The following METTL15 variants were observed in gnomAD, a reference collection of about 807,000 sequenced individuals.
METTL15 encodes 12S rRNA N(4)-cytidine methyltransferase METTL15.
A neutral mutation model predicts 38.3 loss-of-function variants in METTL15; 34 were observed. That is an observed-to-expected ratio of 0.89 (90% confidence interval 0.68 to 1.18). The LOEUF is 1.18. Among genes scored for constraint, METTL15 ranks in the 50% most tolerant of loss-of-function variants. The probability of loss-of-function intolerance (pLI) is 0.00; values close to 1 mark genes in which losing one functional copy is unlikely to be tolerated. For missense variants in METTL15, 438 were observed against 498.4 expected (o/e 0.88, Z 1.15); for synonymous variants, 162 against 170.9 (o/e 0.95, Z 0.41).
Position 28,143,320 on chromosome 11 carries a change from A to G in METTL15, c.270+29716A>G, listed in dbSNP as rs1324959541. ...AAGAACACAGTACATTAAAACAACA[A>G]TTATTTAAAAACGAAGCAAGTTCTT... On this transcript the variant is annotated intron_variant, in intron 3 of 6. Coordinates refer to ENST00000407364, the MANE Select transcript of METTL15 (RefSeq NM_001113528.2). 4.6e-5 allele frequency among the ~76,000 whole-genome samples: 7 copies of G among 152,218 alleles called. No individual in the cohort carries two copies. The South Asian group carries it at 1.0e-3, about 23-fold the overall frequency.
chr11:28,302,032 C>A (rs1473013544), intron 6 of METTL15, among the ~76,000 whole-genome samples: 1 of 152,078 alleles, frequency 6.6e-6, no homozygotes, highest in Non-Finnish European at 1.5e-5. Flanking sequence ...ACTCAACCTC[C>A]TGAGTAGCTG....
At chr11:28,429,414 C>A (rs1415326984) in intron 6 of METTL15, among the ~76,000 whole-genome samples, 1 of 131,952 alleles carries the variant, frequency 7.6e-6, no homozygotes, top group East Asian at 2.4e-4. Flanking sequence ...CCCTCTCATG[C>A]GGAGCCGAAG....
At chr11:28,396,491 T>C (rs1850570203) in intron 5 of METTL15, among the ~76,000 whole-genome samples, 2 of 152,236 alleles carry the variant, frequency 1.3e-5, no homozygotes, top group Non-Finnish European at 2.9e-5. Flanking sequence ...CCATTCACAA[T>C]TGCTTCAAAG....
chr11:28,149,597 G>T (rs2133683146), intron 3 of METTL15, among the ~76,000 whole-genome samples: 1 of 152,010 alleles, frequency 6.6e-6, no homozygotes, highest in South Asian at 2.1e-4. Flanking sequence ...GTAATTATTA[G>T]ATTTAAAATA....
intron 4 of METTL15, among the ~76,000 whole-genome samples, chr11:28,237,102 G>A (rs968587972): frequency 7.2e-5 from 11 of 152,066 alleles, no homozygotes; most frequent in Non-Finnish European, 7.4e-5. Flanking sequence ...TTCTCGAGGA[G>A]TATCTTTGTG....
At chr11:28,429,144 G>C (rs1217286402) in intron 6 of METTL15, among the ~76,000 whole-genome samples, 2 of 152,166 alleles carry the variant, frequency 1.3e-5, no homozygotes, top group South Asian at 4.2e-4. Context: ...TGTGTAATAG[G>C]TTTCTCAGTC....
At chr11:28,273,103 A>G (rs965253915) in intron 4 of METTL15, among the ~76,000 whole-genome samples, 3 of 152,192 alleles carry the variant, frequency 2.0e-5, no homozygotes, top group African/African-American at 7.2e-5. Flanking sequence ...ATCATAAAGT[A>G]GTATACTAGT....
intron 4 of METTL15, among the ~76,000 whole-genome samples, chr11:28,247,646 G>T (rs1854568188): frequency 6.6e-6 from 1 of 152,092 alleles, no homozygotes; most frequent in African/African-American, 2.4e-5. Flanking sequence ...TGAGCTTCTT[G>T]TGGGGAATGA....
chr11:28,415,146 C>T (rs1850762084), intron 5 of METTL15, among the ~76,000 whole-genome samples: 1 of 152,190 alleles, frequency 6.6e-6, no homozygotes, highest in African/African-American at 2.4e-5. Context: ...TAATGCTTGA[C>T]AAGTTCTTGA....
downstream of METTL15, among the ~76,000 whole-genome samples, chr11:28,528,458 A>G (rs1851826224): frequency 6.6e-6 from 1 of 152,194 alleles, no homozygotes; most frequent in African/African-American, 2.4e-5. Context: ...CTGCTTTCCC[A>G]TCTGAACCGA....
intron 6 of METTL15, among the ~76,000 whole-genome samples, chr11:28,508,951 AGACT>A (rs1851652417): frequency 6.6e-6 from 1 of 152,250 alleles, no homozygotes; most frequent in Non-Finnish European, 1.5e-5. Context: ...GTTAACCTAC[AGACT>A]GACCAACGTA....
chr11:28,144,526 A>G (rs1849812163), intron 3 of METTL15, among the ~76,000 whole-genome samples: 1 of 152,104 alleles, frequency 6.6e-6, no homozygotes, highest in Non-Finnish European at 1.5e-5. Flanking sequence ...GGAAGTGGTA[A>G]TTTACTGTCT....
chr11:28,245,716 A>T (rs1247463475), intron 4 of METTL15, among the ~76,000 whole-genome samples: 2 of 152,180 alleles, frequency 1.3e-5, no homozygotes, highest in Non-Finnish European at 2.9e-5. Flanking sequence ...CATAGGCTGT[A>T]TAGGTAGCAT....
intron 3 of METTL15, among the ~76,000 whole-genome samples, chr11:28,128,325 A>T (rs148988265): frequency 1.3e-5 from 2 of 152,148 alleles, no homozygotes; most frequent in Non-Finnish European, 2.9e-5. Flanking sequence ...TTCATATTCT[A>T]TAAGAATGTT....
chr11:28,402,629 CTTTTTTTAATTTTAA>C (rs904515547), intron 5 of METTL15, among the ~76,000 whole-genome samples: 14 of 151,842 alleles, frequency 9.2e-5, no homozygotes, highest in African/African-American at 3.1e-4. Context: ...AAATACTTAA[CTTTTTTTAATTTTAA>C]TTTTTTTAAT....
intron 4 of METTL15, among the ~76,000 whole-genome samples, chr11:28,287,979 T>G (rs1357719961): frequency 6.6e-6 from 1 of 152,092 alleles, no homozygotes; most frequent in Non-Finnish European, 1.5e-5. Flanking sequence ...TAATGTCTTC[T>G]TCCCTTCGGC....
chr11:28,418,454 A>C (rs1363641753), intron 5 of METTL15, among the ~76,000 whole-genome samples: 1 of 152,156 alleles, frequency 6.6e-6, no homozygotes, highest in Non-Finnish European at 1.5e-5. Context: ...GGATGATAGA[A>C]TATTGACTAG....
intron 6 of METTL15, among the ~76,000 whole-genome samples, chr11:28,439,812 A>G (rs1851018772): frequency 6.6e-6 from 1 of 152,180 alleles, no homozygotes; most frequent in Non-Finnish European, 1.5e-5. Context: ...TTGGTTCTCA[A>G]TTGGAGGAGA....
At chr11:28,166,430 G>A (rs1850660764) in intron 3 of METTL15, among the ~76,000 whole-genome samples, 1 of 152,124 alleles carries the variant, frequency 6.6e-6, no homozygotes, top group African/African-American at 2.4e-5. Context: ...GAAATGTCAT[G>A]GTAAAAGTAG....
Sources: gnomAD v4.1 joint callset for allele counts (sites outside exome capture counted in the v4.1 genomes callset) on GRCh38, gnomAD v4.1.1 for gene constraint, MANE v1.5 for transcripts, NCBI Gene and HGNC (gene_info 2026-07-23, HGNC 2026-07-21) for gene names.